SND1: variants seen among roughly 807,000 people sequenced by gnomAD.
SND1 encodes staphylococcal nuclease and tudor domain containing 1, also known as staphylococcal nuclease domain-containing protein 1.
In SND1, 38 loss-of-function variants were observed where a neutral mutation model predicts 121.7. The ratio of observed to expected loss-of-function variants is 0.31; its 90% CI spans 0.24 to 0.41. SND1 has a LOEUF of 0.41. SND1 is among the 10% of genes least tolerant of loss of function. SND1 has a pLI of 1.00. For synonymous variants in SND1, 401 were observed against 447.4 expected (o/e 0.90, Z 1.31); for missense variants, 868 against 1,184.6 (o/e 0.73, Z 3.92).
intron 16 of SND1, among the ~76,000 whole-genome samples, chr7:128,033,790 T>C (rs1396261112): frequency 6.6e-6 from 1 of 152,166 alleles, no homozygotes; most frequent in African/African-American, 2.4e-5. Flanking sequence ...TAAGTGATAG[T>C]GGATTTGAGC....
chr7:127,957,123 T>C (rs980167434), intron 15 of SND1, among the ~76,000 whole-genome samples: 1 of 152,234 alleles, frequency 6.6e-6, no homozygotes, highest in African/African-American at 2.4e-5. Flanking sequence ...GATCCTATAG[T>C]TCTGTCCCCA....
At position 128,089,477 on chromosome 7, in the gene SND1, T is replaced by A; in HGVS notation, c.2419-12T>A. ...TCTGGCTTGCTCTGACCTGAGTGTG[T>A]CTCTGCTCCAGGATGATGCCCGCAC... On this transcript the variant is annotated splice_polypyrimidine_tract_variant and intron_variant, in intron 21 of 23. Transcript: ENST00000354725. The A allele has an allele frequency of 6.2e-7, 1 of 1,604,248 alleles. No individual in the cohort carries two copies. Among genetic ancestry groups the A allele is most frequent in the Non-Finnish European group, 8.5e-7 (1 of 1,172,982 alleles).
At chr7:127,802,097 G>C (rs1798142526) in intron 10 of SND1, among the ~76,000 whole-genome samples, 1 of 151,950 alleles carries the variant, frequency 6.6e-6, no homozygotes, top group Non-Finnish European at 1.5e-5. Flanking sequence ...CACCTTCCTT[G>C]GCCTCCCAAA....
At position 128,092,063 on chromosome 7, in the gene SND1, G is replaced by A. The variant is rs1793790593; in HGVS notation, c.*5G>A. On this transcript the variant is annotated 3_prime_UTR_variant, in exon 24 of 24. Coordinates refer to ENST00000354725, the MANE Select transcript of SND1 (RefSeq NM_014390.4). This position sits in a 1 kb window ranked among gnomAD's most constrained non-coding sequence, Gnocchi z 4.9. ...GAATTTGGCTACAGCCGCTAAGGAGGGGATCGGGTTTGGCCCCCAGCCCCG... is the reference window on the plus strand; with the variant it reads ...GAATTTGGCTACAGCCGCTAAGGAGAGGATCGGGTTTGGCCCCCAGCCCCG... 4 of 1,613,890 alleles carry A rather than the reference G, an allele frequency of 2.5e-6. No individual in the cohort carries two copies. The Admixed American group carries it at 6.7e-5, about 27-fold the overall frequency.
intron 16 of SND1, among the ~76,000 whole-genome samples, chr7:127,992,165 C>T (rs1393851149): frequency 6.6e-6 from 1 of 152,134 alleles, no homozygotes; most frequent in Non-Finnish European, 1.5e-5. Flanking sequence ...GATTGGGGGG[C>T]TTAATTGTAT....
At chr7:127,897,348 CAA>C (rs754623018) in intron 13 of SND1, among the ~76,000 whole-genome samples, 8 of 152,062 alleles carry the variant, frequency 5.3e-5, no homozygotes, top group Admixed American at 2.0e-4. Context: ...TTCACTCAGT[CAA>C]AAGACACATT....
rs555218195 is a variant in SND1 at position 127,955,524 on chromosome 7, G to A, written c.1669+26195G>A. On this transcript the variant is annotated intron_variant, in intron 15 of 23. Transcript: ENST00000354725. ...AGTTGTGGGGGGGTGGTGGCACGTG[G>A]TTATGCAGAGAGACTTTGGTGGTAA... is the stretch of plus-strand genomic sequence containing the variant. 1.6e-3 allele frequency among the ~76,000 whole-genome samples: 241 copies of A among 152,254 alleles called. 1 individual carries two copies. Among genetic ancestry groups the A allele is most frequent in the Non-Finnish European group, 2.9e-3 (194 of 68,006 alleles).
intron 13 of SND1, among the ~76,000 whole-genome samples, chr7:127,892,635 A>G (rs1800030119): frequency 6.6e-6 from 1 of 152,106 alleles, no homozygotes; most frequent in Non-Finnish European, 1.5e-5. Context: ...GTCTATCATC[A>G]GCTGACCCCT....
chr7:127,681,719 A>G (rs1464495709), intron 1 of SND1, among the ~76,000 whole-genome samples: 1 of 152,216 alleles, frequency 6.6e-6, no homozygotes, highest in East Asian at 1.9e-4. Context: ...AGTTGTCCCA[A>G]CACATTTTTG....
chr7:128,016,789 C>T (rs1269674379), intron 16 of SND1, among the ~76,000 whole-genome samples: 1 of 151,662 alleles, frequency 6.6e-6, no homozygotes, highest in East Asian at 1.9e-4. Flanking sequence ...CTTCCTGTTA[C>T]AATTGTTACT....
At chr7:128,080,525 T>C (rs1293156609) in intron 17 of SND1, among the ~76,000 whole-genome samples, 1 of 152,130 alleles carries the variant, frequency 6.6e-6, no homozygotes, top group Non-Finnish European at 1.5e-5. Context: ...CCTAGGGCTG[T>C]GGCTTGGACT....
At chr7:127,801,366 T>G (rs1210045178) in intron 10 of SND1, among the ~76,000 whole-genome samples, 1 of 152,246 alleles carries the variant, frequency 6.6e-6, no homozygotes, top group Non-Finnish European at 1.5e-5. Flanking sequence ...TTGGACTTCT[T>G]CAGTGAAGTA....
intron 15 of SND1, among the ~76,000 whole-genome samples, chr7:127,990,682 C>T (rs978053455): frequency 2.0e-5 from 3 of 152,178 alleles, no homozygotes; most frequent in Non-Finnish European, 2.9e-5. Flanking sequence ...AGGCTCCTTT[C>T]GCCATGTGCT....
chr7:127,712,137 G>A (rs563507958), intron 9 of SND1, among the ~76,000 whole-genome samples: 1 of 152,184 alleles, frequency 6.6e-6, no homozygotes, highest in Admixed American at 6.5e-5. Context: ...AATGACCCTA[G>A]TGTGGGATTT....
chr7:128,014,238 C>T (rs2116952837), intron 16 of SND1, among the ~76,000 whole-genome samples: 1 of 152,298 alleles, frequency 6.6e-6, no homozygotes, highest in Middle Eastern at 3.4e-3. Flanking sequence ...TATCAGAAAC[C>T]TGTCTGATCA....
At chr7:127,682,941 C>T (rs1158103064) in intron 1 of SND1, among the ~76,000 whole-genome samples, 2 of 152,172 alleles carry the variant, frequency 1.3e-5, no homozygotes, top group African/African-American at 2.4e-5. Context: ...AGAAAAACGG[C>T]TTGTTTTGGT....
chr7:127,903,271 G>A (rs1198306658), intron 13 of SND1, among the ~76,000 whole-genome samples: 1 of 151,926 alleles, frequency 6.6e-6, no homozygotes, highest in African/African-American at 2.4e-5. Context: ...TGATCTGCCC[G>A]CCTTGGCTTC....
At chr7:127,915,825 T>A (rs771880066) in intron 14 of SND1, among the ~76,000 whole-genome samples, 1 of 152,190 alleles carries the variant, frequency 6.6e-6, no homozygotes, top group Non-Finnish European at 1.5e-5. Context: ...GGTGGAAGAT[T>A]GTTTGTGTTC....
intron 12 of SND1, among the ~76,000 whole-genome samples, chr7:127,885,837 T>C (rs891680392): frequency 5.3e-5 from 8 of 152,098 alleles, no homozygotes; most frequent in Non-Finnish European, 1.0e-4. Context: ...GTAACAAATA[T>C]TTCTTTGTTT....
Sources: allele counts gnomAD v4.1 joint callset (sites outside exome capture counted in the v4.1 genomes callset), GRCh38; gene constraint gnomAD v4.1.1; non-coding constraint Gnocchi (gnomAD v3.1); transcripts MANE v1.5; gene names NCBI Gene and HGNC (gene_info 2026-07-23, HGNC 2026-07-21).